RYR2: variants seen among roughly 807,000 people sequenced by gnomAD.
RYR2 encodes the protein cardiac muscle ryanodine receptor-calcium release channel.
In RYR2, 227 loss-of-function variants were observed where a neutral mutation model predicts 601.1. The observed-to-expected ratio is 0.38, with a 90% CI of 0.34 to 0.42. The LOEUF is 0.42. RYR2 is among the 10% of genes least tolerant of loss of function. The pLI is 1.00. For synonymous variants in RYR2, 2,223 were observed against 2,175.1 expected, an observed-to-expected ratio of 1.02 and a Z score of -0.61; for missense variants, 4,646 against 6,156.5, an observed-to-expected ratio of 0.75 and a Z score of 8.21.
intron 92 of RYR2, 21 bp downstream of exon 92, chr1:237,788,156 T>C (rs1274796647): frequency 1.6e-5 from 26 of 1,580,062 alleles, no homozygotes; most frequent in Non-Finnish European, 2.1e-5. Flanking sequence ...TTAGAATGAA[T>C]ATTGTTACTG....
At chr1:237,117,492 T>A (rs987163786) in intron 1 of RYR2, among the ~76,000 whole-genome samples, 20 of 152,154 alleles carry the variant, frequency 1.3e-4, no homozygotes, top group African/African-American at 4.8e-4. Context: ...CAATTGGGTA[T>A]TTCTGGATTC....
intron 63 of RYR2, among the ~76,000 whole-genome samples, chr1:237,692,122 A>T (rs1686994963): frequency 6.6e-6 from 1 of 152,228 alleles, no homozygotes; most frequent in Admixed American, 6.5e-5. Flanking sequence ...GGTGGTGCTT[A>T]TCAGAGTGCC....
chr1:237,535,382 T>C (rs1320603633), intron 25 of RYR2, among the ~76,000 whole-genome samples: 1 of 151,768 alleles, frequency 6.6e-6, no homozygotes, highest in Non-Finnish European at 1.5e-5. Context: ...TTTCTAAAGG[T>C]AAAAGTATGG....
intron 4 of RYR2, among the ~76,000 whole-genome samples, chr1:237,362,197 T>C (rs1241059488): frequency 6.6e-6 from 1 of 152,190 alleles, no homozygotes; most frequent in East Asian, 1.9e-4. Context: ...CCTAAAGAAC[T>C]AAAATTTCCA....
intron 1 of RYR2, among the ~76,000 whole-genome samples, chr1:237,117,464 C>A (rs1406812050): frequency 6.6e-6 from 1 of 151,836 alleles, no homozygotes; most frequent in African/African-American, 2.4e-5. Flanking sequence ...CATTTTTTTT[C>A]TCTTTGATTG....
chr1:237,817,141 C>T (rs185928044), intron 100 of RYR2, among the ~76,000 whole-genome samples: 2 of 152,218 alleles, frequency 1.3e-5, no homozygotes, highest in Admixed American at 6.5e-5. Flanking sequence ...TACAACCATA[C>T]GACCCTGAAT....
At chr1:237,054,008 C>A (rs1469607642) in intron 1 of RYR2, among the ~76,000 whole-genome samples, 1 of 152,158 alleles carries the variant, frequency 6.6e-6, no homozygotes, top group Non-Finnish European at 1.5e-5. Context: ...ATTCCTGGAA[C>A]AATCCATTTA....
intron 45 of RYR2, among the ~76,000 whole-genome samples, 192 bp downstream of exon 45, chr1:237,638,684 TA>T (rs1226602377): frequency 1.3e-5 from 2 of 152,236 alleles, no homozygotes; most frequent in Non-Finnish European, 2.9e-5. Flanking sequence ...TTATTTAAAT[TA>T]AAATTTTTAG....
chr1:237,774,501 C>T (rs1432914087), intron 87 of RYR2, among the ~76,000 whole-genome samples: 1 of 152,196 alleles, frequency 6.6e-6, no homozygotes, highest in Non-Finnish European at 1.5e-5. Flanking sequence ...GCTCACTCGC[C>T]TCTGCATTCA....
intron 2 of RYR2, among the ~76,000 whole-genome samples, chr1:237,306,731 A>C (rs1426830703): frequency 1.3e-5 from 2 of 152,216 alleles, no homozygotes; most frequent in Non-Finnish European, 2.9e-5. Context: ...AACCAAAAAG[A>C]GCTAGAAGGA....
intron 1 of RYR2, among the ~76,000 whole-genome samples, chr1:237,119,847 C>T (rs537848284): frequency 6.6e-6 from 1 of 152,328 alleles, no homozygotes; most frequent in South Asian, 2.1e-4. Flanking sequence ...CATCTCATCT[C>T]TGATCACTTT....
At chr1:237,782,723 G>A (rs867456705) in intron 89 of RYR2, among the ~76,000 whole-genome samples, 14 of 152,160 alleles carry the variant, frequency 9.2e-5, no homozygotes, top group Admixed American at 3.3e-4. Flanking sequence ...GCCTCATAAC[G>A]TGCCAGATAC....
chr1:237,663,459 C>G (rs1415795071), intron 56 of RYR2, among the ~76,000 whole-genome samples: 1 of 152,128 alleles, frequency 6.6e-6, no homozygotes, highest in Non-Finnish European at 1.5e-5. Flanking sequence ...GCTTAGCACT[C>G]CCTCAGGGAC....
intron 24 of RYR2, among the ~76,000 whole-genome samples, chr1:237,515,658 T>A (rs1355657464): frequency 7.8e-5 from 1 of 12,840 alleles, no homozygotes; most frequent in Non-Finnish European, 1.4e-4. Context: ...TTCCCTCCCC[T>A]TCCCCTCCCT....
At chr1:237,674,400 T>C (rs1367807185) in intron 59 of RYR2, among the ~76,000 whole-genome samples, 181 bp downstream of exon 59, 4 of 152,110 alleles carry the variant, frequency 2.6e-5, no homozygotes, top group African/African-American at 9.7e-5. Context: ...ACCATATAAC[T>C]GAGTTCCTTT....
chr1:237,275,239 C>T (rs1332171641), intron 2 of RYR2, among the ~76,000 whole-genome samples: 1 of 151,252 alleles, frequency 6.6e-6, no homozygotes, highest in Admixed American at 6.6e-5. Flanking sequence ...GAATTGAGGC[C>T]AAAGTGTATT....
At chr1:237,447,932 C>T (rs1185085193) in intron 14 of RYR2, among the ~76,000 whole-genome samples, 2 of 150,468 alleles carry the variant, frequency 1.3e-5, no homozygotes, top group African/African-American at 4.9e-5. Context: ...TCCTCCCTCC[C>T]CTCTCCCCAT....
chr1:237,367,963 T>C (rs1017248131), intron 5 of RYR2, among the ~76,000 whole-genome samples: 2 of 151,946 alleles, frequency 1.3e-5, no homozygotes, highest in East Asian at 1.9e-4. Context: ...CCTTCAGGAG[T>C]TTTCAGTCTG....
At chr1:237,734,730 G>A (rs1274420150) in intron 79 of RYR2, among the ~76,000 whole-genome samples, 1 of 152,174 alleles carries the variant, frequency 6.6e-6, no homozygotes, top group Non-Finnish European at 1.5e-5. Context: ...GGCTGCACCA[G>A]AATAATTACA....
Sources: gnomAD v4.1 joint callset for allele counts (sites outside exome capture counted in the v4.1 genomes callset) on GRCh38, gnomAD v4.1.1 for gene constraint, MANE v1.5 for transcripts, NCBI Gene and HGNC (gene_info 2026-07-23, HGNC 2026-07-21) for gene names.